ITGAE: variants seen among roughly 807,000 people sequenced by gnomAD.
The protein encoded by ITGAE is integrin alpha-E.
Under a neutral mutation model 136.5 loss-of-function variants are expected in ITGAE, and 99 were observed. That is an observed-to-expected ratio of 0.73 (90% CI 0.62 to 0.86). The LOEUF is 0.86. Ranked by LOEUF, ITGAE falls within the 40% of genes least tolerant of loss-of-function variation. The probability of loss-of-function intolerance (pLI) is 0.00; values close to 1 mark genes in which losing one functional copy is unlikely to be tolerated. For synonymous variants in ITGAE, 613 were observed against 591.8 expected (o/e 1.04, Z -0.52); for missense variants, 1,447 against 1,515.3 (o/e 0.95, Z 0.75).
In ITGAE at chr17:3,750,387, G is replaced by A. The variant is rs1421213216; in HGVS notation, c.1989C>T (p.Ile663=). 1.2e-6 allele frequency: 2 copies of A among 1,614,076 alleles called. No homozygotes were observed. Among genetic ancestry groups the A allele is most frequent in the Non-Finnish European group, 1.7e-6 (2 of 1,180,054 alleles). ...FDISGDGLAD[I]TVGTLGQAVV... ...CCGCCTGGCCCAGAGTGCCCACGGT[G>A]ATGTCGGCAAGGCCGTCGCCACTAA... Residue 663 remains isoleucine (I), a synonymous_variant, in exon 16 of 31, where the codon ATC becomes ATT. Transcript: ENST00000263087.
chr17:3,787,111 T>G (rs2052817611), intron 1 of ITGAE, among the ~76,000 whole-genome samples: 1 of 151,380 alleles, frequency 6.6e-6, no homozygotes, highest in African/African-American at 2.4e-5. Context: ...AGAGGGAATT[T>G]TTTTTTCCTT....
chr17:3,766,077 G>T (rs937133356), intron 2 of ITGAE, among the ~76,000 whole-genome samples: 3 of 152,170 alleles, frequency 2.0e-5, no homozygotes, highest in African/African-American at 7.2e-5. Flanking sequence ...ATCTAGGTGG[G>T]CTCAGTGAAA....
chr17:3,716,623 A>C, intron 30 of ITGAE, 65 bp downstream of exon 30: 2 of 988,964 alleles, frequency 2.0e-6, no homozygotes, highest in Non-Finnish European at 3.2e-6. Context: ...GGCTGTCCTA[A>C]GGAGTTCTGT....
chr17:3,723,906 T>A, intron 26 of ITGAE, 162 bp from the exon 27 acceptor site: 1 of 1,535,210 alleles, frequency 6.5e-7, no homozygotes, highest in Non-Finnish European at 8.7e-7. Flanking sequence ...TCGCGATGTT[T>A]GCGTTTGAAC....
At chr17:3,723,438 T>A in intron 27 of ITGAE, 55 bp from the exon 28 acceptor site, 1 of 1,302,406 alleles carries the variant, frequency 7.7e-7, no homozygotes, top group South Asian at 1.2e-5. Flanking sequence ...AAGTCTGAAA[T>A]CTTTTTAACA....
At chr17:3,800,132 A>G (rs2053215851) in intron 1 of ITGAE, among the ~76,000 whole-genome samples, 1 of 152,188 alleles carries the variant, frequency 6.6e-6, no homozygotes, top group Non-Finnish European at 1.5e-5. Context: ...ATAAAATAAA[A>G]TAAAATGAAA....
At chr17:3,773,412 A>T (rs1597355473) in intron 2 of ITGAE, among the ~76,000 whole-genome samples, 1 of 151,734 alleles carries the variant, frequency 6.6e-6, no homozygotes, top group South Asian at 2.1e-4. Flanking sequence ...AATCGCTTGA[A>T]CCCAGTGGTT....
chr17:3,757,272 C>A, intron 9 of ITGAE, 138 bp from the exon 10 acceptor site: 1 of 1,098,008 alleles, frequency 9.1e-7, no homozygotes. Flanking sequence ...TTTCCCTGCT[C>A]CCTGTTCTAC....
chr17:3,743,993 G>A (rs1437509169), intron 18 of ITGAE, among the ~76,000 whole-genome samples: 2 of 150,548 alleles, frequency 1.3e-5, no homozygotes, highest in South Asian at 2.1e-4. Context: ...GTAAGCCACC[G>A]CGCCCGGCCT....
chr17:3,734,123 T>C (rs2051407216), intron 21 of ITGAE, among the ~76,000 whole-genome samples: 1 of 152,154 alleles, frequency 6.6e-6, no homozygotes, highest in Non-Finnish European at 1.5e-5. Context: ...CAGGCTGGAG[T>C]GCAGTGGCGC....
intron 28 of ITGAE, among the ~76,000 whole-genome samples, chr17:3,720,838 C>T (rs1233130701): frequency 6.6e-6 from 1 of 152,182 alleles, no homozygotes; most frequent in African/African-American, 2.4e-5. Context: ...CCACCTCGGC[C>T]TCCCAAAGTG....
At chr17:3,786,558 C>T (rs1423307850) in intron 1 of ITGAE, among the ~76,000 whole-genome samples, 1 of 152,030 alleles carries the variant, frequency 6.6e-6, no homozygotes, top group East Asian at 1.9e-4. Context: ...TACAAAAATG[C>T]TGCACAAAAT....
intron 26 of ITGAE, among the ~76,000 whole-genome samples, chr17:3,727,483 T>C (rs1239903290): frequency 6.6e-6 from 1 of 151,390 alleles, no homozygotes; most frequent in Admixed American, 6.6e-5. Flanking sequence ...CACTGCAAGC[T>C]CCGCCTCCCG....
intron 19 of ITGAE, among the ~76,000 whole-genome samples, chr17:3,740,874 C>T (rs77363617): frequency 0.017 from 2,613 of 152,210 alleles, 43 homozygotes; most frequent in Non-Finnish European, 0.027. Context: ...AGAGCCTCTG[C>T]ACTTCGCACT....
chr17:3,751,798 G>T lies in ITGAE; in HGVS notation c.1745C>A (p.Ala582Glu), dbSNP rs781000850. 6.2e-7 allele frequency: 1 copy of T among 1,614,100 alleles called. No individual in the cohort carries two copies. The highest frequency in any genetic ancestry group is 2.2e-5 in the East Asian group (1 of 44,878). ...ATCCTGACTGAGATCCCCCATAGCC[G>T]CCATGGCAAAGCCAAAGCGGGCATT... ...FTNARFGFAM[A>E]AMGDLSQDKL... is the part of the protein sequence containing the mutation. Residue 582 changes from alanine (A) to glutamate (E), a missense_variant, in exon 15 of 31, where the codon GCG (alanine) becomes GAG (glutamate). By Grantham distance (107) the Ala-to-Glu change is moderately radical (BLOSUM62 -1). Coordinates refer to ENST00000263087, the MANE Select transcript of ITGAE (RefSeq NM_002208.5).
rs2143461195 is a variant in ITGAE at position 3,790,389 on chromosome 17, CCTAGCTG to C, written c.34+10715_34+10721del. On this transcript the variant is annotated intron_variant, in intron 1 of 30. Coordinates refer to ENST00000263087, the MANE Select transcript of ITGAE (RefSeq NM_002208.5). The stretch of plus-strand genomic sequence containing the variant: ...GGGCGTAGTGGCGCATGCCTGTAGT[CCTAGCTG>C]CTTGGGAGGCTGAGGCAGGAGACTC... 2.0e-5 allele frequency among the ~76,000 whole-genome samples: 3 copies of C among 152,066 alleles called. No individual in the cohort carries two copies. In the East Asian group the frequency reaches 5.8e-4, roughly 29 times the overall value.
intron 1 of ITGAE, among the ~76,000 whole-genome samples, chr17:3,796,106 T>G (rs1025528662): frequency 1.9e-5 from 1 of 52,770 alleles, no homozygotes; most frequent in Non-Finnish European, 3.7e-5. Context: ...TGTGTGTGCA[T>G]CCCTGTGTGC....
chr17:3,724,994 C>T, intron 26 of ITGAE: 1 of 1,614,206 alleles, frequency 6.2e-7, no homozygotes, highest in Non-Finnish European at 8.5e-7. Context: ...TCCTCCATTC[C>T]CACCGCTTTA....
Position 3,757,061 on chromosome 17 carries a change from T to C in ITGAE, c.1094A>G (p.His365Arg). The part of the protein sequence containing the change: ...NLIASDPDET[H>R]AFKVTNYMAL... ...CATGTAGTTGGTCACCTTGAAAGCA[T>C]GGGTCTCATCCGGGTCTGAGGCGAT... is the stretch of plus-strand genomic sequence containing the variant. The change falls in exon 10 of 31, where the codon CAT becomes CGT. Residue 365 changes from histidine (H) to arginine (R), a missense_variant. This residue lies in a region of ITGAE where 310 missense variants were observed against 416.1 expected (regional missense o/e 0.74). Coordinates refer to ENST00000263087, the MANE Select transcript of ITGAE (RefSeq NM_002208.5). The C allele has an allele frequency of 1.9e-6, 3 of 1,614,200 alleles. No homozygotes were observed. The highest frequency in any genetic ancestry group is 2.5e-6 in the Non-Finnish European group (3 of 1,180,018).
Sources: allele counts gnomAD v4.1 joint callset (sites outside exome capture counted in the v4.1 genomes callset), GRCh38; gene constraint gnomAD v4.1.1; regional missense constraint gnomAD v4.1.1; transcripts MANE v1.5; gene names NCBI Gene and HGNC (gene_info 2026-07-23, HGNC 2026-07-21).